SPIRE1: variants seen among roughly 807,000 people sequenced by gnomAD.
SPIRE1 encodes spire type actin nucleation factor 1, also known as protein spire homolog 1.
A neutral mutation model predicts 94.1 loss-of-function variants in SPIRE1; 40 were observed. The ratio of observed to expected loss-of-function variants is 0.43; its 90% CI spans 0.33 to 0.55. The LOEUF is 0.55. Among genes scored for constraint, SPIRE1 ranks in the 20% least tolerant of loss-of-function variants. The pLI, the probability that SPIRE1 is intolerant of heterozygous loss-of-function variation, is 0.06. For synonymous variants in SPIRE1, 376 were observed against 371.7 expected, an observed-to-expected ratio of 1.01 and a Z score of -0.13; for missense variants, 838 against 975.2, an observed-to-expected ratio of 0.86 and a Z score of 1.87.
intron 9 of SPIRE1, 29 bp from the exon 10 acceptor site, chr18:12,479,900 C>A: frequency 6.2e-7 from 1 of 1,600,364 alleles, no homozygotes; most frequent in South Asian, 1.1e-5. Flanking sequence ...CTTACCTTTT[C>A]TTGAGCCAAG....
At chr18:12,568,728 T>G (rs190993425) in intron 2 of SPIRE1, among the ~76,000 whole-genome samples, 2 of 152,358 alleles carry the variant, frequency 1.3e-5, no homozygotes, top group Non-Finnish European at 2.9e-5. Flanking sequence ...TTCACATTAT[T>G]TTATAAACAG....
intron 4 of SPIRE1, among the ~76,000 whole-genome samples, chr18:12,529,163 A>G (rs983090129): frequency 6.6e-6 from 1 of 152,144 alleles, no homozygotes; most frequent in Non-Finnish European, 1.5e-5. Context: ...AGGTCAGGAG[A>G]TCAAGACCAT....
At chr18:12,455,541 C>G (rs747120130) in intron 12 of SPIRE1, among the ~76,000 whole-genome samples, 12 of 152,150 alleles carry the variant, frequency 7.9e-5, no homozygotes, top group Non-Finnish European at 1.5e-4. Context: ...TGTTGGCTGT[C>G]TTGTGTTAAT....
chr18:12,618,555 A>G (rs2037376494), intron 2 of SPIRE1, among the ~76,000 whole-genome samples: 1 of 151,968 alleles, frequency 6.6e-6, no homozygotes, highest in South Asian at 2.1e-4. Context: ...TCAGTCAACT[A>G]GTTTGAAAGC....
At chr18:12,493,888 T>C (rs2033336026) in intron 7 of SPIRE1, among the ~76,000 whole-genome samples, 1 of 152,032 alleles carries the variant, frequency 6.6e-6, no homozygotes, top group African/African-American at 2.4e-5. Context: ...CTGTTCTTTT[T>C]TTTGTGTTTT....
At chr18:12,450,574 G>C (rs2031183648) in intron 16 of SPIRE1, 1 of 546,696 alleles carries the variant, frequency 1.8e-6, no homozygotes, top group Admixed American at 2.7e-5. Context: ...AATTTTCCAA[G>C]AAGTGCTCTG....
chr18:12,467,964 A>G (rs1380767593), intron 10 of SPIRE1, among the ~76,000 whole-genome samples: 1 of 152,188 alleles, frequency 6.6e-6, no homozygotes, highest in East Asian at 1.9e-4. Context: ...GGAAAAAAAA[A>G]AAGAAATATT....
At chr18:12,657,350 C>A (rs1236606842) in intron 1 of SPIRE1, among the ~76,000 whole-genome samples, 180 bp downstream of exon 1, 14 of 152,106 alleles carry the variant, frequency 9.2e-5, no homozygotes, top group Non-Finnish European at 1.5e-4. Flanking sequence ...CCGAGGGGCC[C>A]CGGCCAGCCA....
intron 2 of SPIRE1, among the ~76,000 whole-genome samples, chr18:12,626,172 T>C (rs2037621116): frequency 6.6e-6 from 1 of 152,178 alleles, no homozygotes; most frequent in African/African-American, 2.4e-5. Flanking sequence ...ATACTCCGTA[T>C]AAAGCAGCAA....
chr18:12,535,014 C>T (rs1014179983), intron 4 of SPIRE1, among the ~76,000 whole-genome samples: 3 of 152,208 alleles, frequency 2.0e-5, no homozygotes, highest in Non-Finnish European at 4.4e-5. Flanking sequence ...TCACAACCAC[C>T]TATGTAACAC....
At chr18:12,540,538 G>T (rs998884110) in intron 3 of SPIRE1, among the ~76,000 whole-genome samples, 5 of 152,050 alleles carry the variant, frequency 3.3e-5, no homozygotes, top group African/African-American at 1.2e-4. Context: ...ACTATGCCCG[G>T]CTATTTTTTG....
At chr18:12,620,061 T>A (rs1196846302) in intron 2 of SPIRE1, among the ~76,000 whole-genome samples, 1 of 151,884 alleles carries the variant, frequency 6.6e-6, no homozygotes, top group Non-Finnish European at 1.5e-5. Context: ...TACCTGTAAT[T>A]CCAGCACTTA....
chr18:12,469,914 CACATA>C lies in SPIRE1; in HGVS notation c.1405-4961_1405-4957del, dbSNP rs934973974. ...AGATTTAAAAATAACATAAGAAAACCACATAACATATTAATTTTTATGTTCATTAA... is the reference window on the plus strand; with the variant it reads ...AGATTTAAAAATAACATAAGAAAACCACATATTAATTTTTATGTTCATTAA... On this transcript the variant is annotated intron_variant, in intron 10 of 16. Transcript: ENST00000409402. 4.0e-5 allele frequency among the ~76,000 whole-genome samples: 6 copies of C among 151,178 alleles called. No individual in the cohort carries two copies. In the East Asian group the frequency reaches 5.8e-4, roughly 15 times the overall value.
At chr18:12,643,570 C>A (rs1164802142) in intron 1 of SPIRE1, among the ~76,000 whole-genome samples, 1 of 152,198 alleles carries the variant, frequency 6.6e-6, no homozygotes, top group Non-Finnish European at 1.5e-5. Context: ...CTTCTATCTT[C>A]CAAGCCCTAA....
chr18:12,480,969 C>T (rs932714264), intron 9 of SPIRE1, among the ~76,000 whole-genome samples: 29 of 152,112 alleles, frequency 1.9e-4, no homozygotes, highest in Admixed American at 1.8e-3. Flanking sequence ...ATGCTAAGTA[C>T]TAAAGTGAAA....
chr18:12,615,345 A>AAAAAATATATATATATATATAT, intron 2 of SPIRE1, among the ~76,000 whole-genome samples: 1 of 17,244 alleles, frequency 5.8e-5, no homozygotes, highest in African/African-American at 1.2e-4. Context: ...AAAAAAAAAA[A>AAAAAATATATATATATATATAT]ATATATATAT....
intron 2 of SPIRE1, among the ~76,000 whole-genome samples, chr18:12,624,189 T>C (rs996522119): frequency 1.3e-5 from 2 of 151,798 alleles, no homozygotes; most frequent in African/African-American, 4.8e-5. Context: ...CCCAAAGTGT[T>C]GGGATTACAA....
At chr18:12,624,817 G>C (rs181946570) in intron 2 of SPIRE1, among the ~76,000 whole-genome samples, 3 of 137,620 alleles carry the variant, frequency 2.2e-5, no homozygotes, top group Admixed American at 7.5e-5. Flanking sequence ...GGGCGACAGA[G>C]TGAGACTCCA....
At chr18:12,509,743 T>G (rs148848661) in intron 5 of SPIRE1, among the ~76,000 whole-genome samples, 1 of 152,178 alleles carries the variant, frequency 6.6e-6, no homozygotes, top group East Asian at 1.9e-4. Flanking sequence ...GCAACATGGA[T>G]GAAATCTCAA....
Sources: gnomAD v4.1 joint callset for allele counts (sites outside exome capture counted in the v4.1 genomes callset) on GRCh38, gnomAD v4.1.1 for gene constraint, MANE v1.5 for transcripts, NCBI Gene and HGNC (gene_info 2026-07-23, HGNC 2026-07-21) for gene names.